TUT7: variants seen among roughly 807,000 people sequenced by gnomAD.
The protein encoded by TUT7 is terminal uridylyl transferase 7.
In TUT7, 33 loss-of-function variants were observed where a neutral mutation model predicts 165.9. That is an observed-to-expected ratio of 0.20 (90% CI 0.15 to 0.27). The LOEUF (loss-of-function observed/expected upper bound fraction) is 0.27, where lower values mean the gene tolerates loss of function less well. Among genes scored for constraint, TUT7 ranks in the 10% least tolerant of loss-of-function variants. The pLI is 1.00. For missense variants in TUT7, 1,338 were observed against 1,762.3 expected (o/e 0.76, Z 4.31); for synonymous variants, 552 against 608.1 (o/e 0.91, Z 1.36).
At chr9:86,301,639 A>G in intron 25 of TUT7, 38 bp from the exon 26 acceptor site, 3 of 1,562,378 alleles carry the variant, frequency 1.9e-6, no homozygotes, top group Non-Finnish European at 1.7e-6. Context: ...AAATCTAAAC[A>G]GAAGCCTAAC....
rs181386488 is a variant in TUT7, at chr9:86,326,829, A to C, written c.1609-1315T>G. On this transcript the variant is annotated intron_variant, in intron 11 of 26. Transcript: ENST00000375963. ...TGCAACCCCATAATGTCTGAAGCTCACTTTATTTCAGAAGTGGCAGCATGA... is the reference window on the plus strand; with the variant it reads ...TGCAACCCCATAATGTCTGAAGCTCCCTTTATTTCAGAAGTGGCAGCATGA... 4.6e-5 allele frequency among the ~76,000 whole-genome samples: 7 copies of C among 152,342 alleles called. No individual in the cohort carries two copies. In the East Asian group the frequency reaches 1.4e-3, roughly 29 times the overall value.
chr9:86,340,976 T>G (rs748458792), intron 7 of TUT7, 26 bp downstream of exon 7: 1 of 1,588,066 alleles, frequency 6.3e-7, no homozygotes, highest in South Asian at 1.1e-5. Flanking sequence ...ACATAAAAAT[T>G]TTTTAAATGT....
At chr9:86,327,674 A>C (rs567894151) in intron 11 of TUT7, among the ~76,000 whole-genome samples, 2 of 152,356 alleles carry the variant, frequency 1.3e-5, no homozygotes, top group East Asian at 3.9e-4. Flanking sequence ...AGAAAACACA[A>C]CTGGAAAATC....
intron 25 of TUT7, chr9:86,301,886 C>T (rs1477897852): frequency 2.0e-6 from 2 of 980,270 alleles, no homozygotes; most frequent in Non-Finnish European, 2.4e-6. Flanking sequence ...TACTTTGACA[C>T]TGATGTAATG....
chr9:86,307,143 C>T (rs1415583047), intron 22 of TUT7, among the ~76,000 whole-genome samples: 4 of 151,706 alleles, frequency 2.6e-5, no homozygotes, highest in Admixed American at 6.6e-5. Context: ...CGTGGTGGCA[C>T]GGCACCTGTA....
rs1935305436 is a variant in TUT7 at position 86,309,361 on chromosome 9, T to C, written c.3583-72A>G. 4 of 1,420,870 alleles carry C rather than the reference T, an allele frequency of 2.8e-6. 1 individual carries two copies. Among genetic ancestry groups the C allele is most frequent in the Admixed American group, 4.2e-5 (2 of 47,120 alleles). The allele number at this position is 1,420,870 out of a possible 1,614,324, so 88.0% of individuals were successfully genotyped here. ...ATTGATACAAAAACTTCTAGGAAAA[T>C]AGGTAAAAAATTAACTACAGAACCA... On this transcript the variant is annotated intron_variant, in intron 20 of 26. Coordinates refer to ENST00000375963, the MANE Select transcript of TUT7 (RefSeq NM_024617.4).
chr9:86,320,508 T>C (rs376755183), intron 14 of TUT7, among the ~76,000 whole-genome samples: 2 of 152,204 alleles, frequency 1.3e-5, no homozygotes, highest in African/African-American at 2.4e-5. Flanking sequence ...ATTTTAGAAA[T>C]AATATTTCTC....
chr9:86,323,663 G>T lies in TUT7; in HGVS notation c.2087C>A (p.Thr696Asn), dbSNP rs770612785. The change falls in exon 13 of 27, where the codon ACT becomes AAT. Residue 696 changes from threonine to asparagine, a missense_variant. Coordinates refer to ENST00000375963, the MANE Select transcript of TUT7 (RefSeq NM_024617.4). ...AANTCKVQPL[T>N]LKETAESFGS... ...AAAACTTTCAGCAGTCTCTTTAAGAGTAAGTGGCTGTACCTTACAGGTATT... is the reference window on the plus strand; with the variant it reads ...AAAACTTTCAGCAGTCTCTTTAAGATTAAGTGGCTGTACCTTACAGGTATT... The T allele has an allele frequency of 6.2e-7, 1 of 1,614,224 alleles. No individual in the cohort carries two copies. The highest frequency in any genetic ancestry group is 1.1e-5 in the South Asian group (1 of 91,086).
chr9:86,307,008 G>A (rs528827103), intron 22 of TUT7, among the ~76,000 whole-genome samples: 1 of 152,156 alleles, frequency 6.6e-6, no homozygotes, highest in Middle Eastern at 3.4e-3. Context: ...AGTGGCTCAC[G>A]CCTGTAATCC....
intron 11 of TUT7, among the ~76,000 whole-genome samples, chr9:86,327,637 C>T (rs1829911408): frequency 6.6e-6 from 1 of 152,188 alleles, no homozygotes. Flanking sequence ...CACCACTCTC[C>T]TCCTCCTCCC....
chr9:86,309,276 T>C lies in TUT7; in HGVS notation c.3596A>G (p.Glu1199Gly). 1 of 1,565,704 alleles carries C rather than the reference T, an allele frequency of 6.4e-7. No individual in the cohort carries two copies. Among genetic ancestry groups the C allele is most frequent in the Non-Finnish European group, 8.8e-7 (1 of 1,139,166 alleles). The change falls in exon 21 of 27, where the codon GAA (glutamate) becomes GGA (glycine). Residue 1199 changes from glutamate to glycine, a missense_variant. Glu to Gly is a moderately conservative substitution (Grantham distance 98). Coordinates refer to ENST00000375963, the MANE Select transcript of TUT7 (RefSeq NM_024617.4). ...ATCAACAAATATTTCAGGTTTCTTT[T>C]CACCTTTGTATATCTGAAATTAATT... ...IPVLQEIYKG[E>G]KKPEIFVDGW...
intron 26 of TUT7, among the ~76,000 whole-genome samples, chr9:86,291,718 G>A (rs1475244738): frequency 6.6e-6 from 1 of 151,982 alleles, no homozygotes; most frequent in Non-Finnish European, 1.5e-5. Flanking sequence ...GTATTTGGAA[G>A]AATACATAGA....
rs140358646 is a variant in TUT7 at position 86,319,028 on chromosome 9, T to C, written c.3146A>G (p.Lys1049Arg). ...GTKLSLFGSS[K>R]NGFGFKQSDL... Reference sequence around the variant, plus strand: ...ACTCTGTTTGAACCCAAATCCATTTTTGGAGGAGCCAAACAGGCTCAATTT... The same window carrying C: ...ACTCTGTTTGAACCCAAATCCATTTCTGGAGGAGCCAAACAGGCTCAATTT... Residue 1049 changes from lysine (K) to arginine (R), a missense_variant, in exon 16 of 27, where the codon AAA becomes AGA. By Grantham distance (26) the Lys-to-Arg change is conservative. Coordinates refer to ENST00000375963, the MANE Select transcript of TUT7 (RefSeq NM_024617.4). 2.9e-5 allele frequency: 46 copies of C among 1,613,898 alleles called. No individual in the cohort carries two copies. The highest frequency in any genetic ancestry group is 1.7e-5 in the Admixed American group (1 of 59,974).
At chr9:86,291,180 G>T (rs1207023445) in intron 26 of TUT7, among the ~76,000 whole-genome samples, 2 of 151,952 alleles carry the variant, frequency 1.3e-5, no homozygotes, top group Non-Finnish European at 2.9e-5. Context: ...ATAAAAGAGC[G>T]GTATTCAGAA....
intron 10 of TUT7, among the ~76,000 whole-genome samples, chr9:86,336,525 A>C (rs1230530875): frequency 1.3e-5 from 2 of 152,202 alleles, no homozygotes; most frequent in Non-Finnish European, 2.9e-5. Context: ...GTCCCTGCTT[A>C]ATCTCACCTT....
chr9:86,324,030 T>C (rs1403296759), intron 12 of TUT7, 70 bp from the exon 13 acceptor site: 38 of 1,257,986 alleles, frequency 3.0e-5, no homozygotes, highest in Middle Eastern at 5.3e-4. Flanking sequence ...GTTTTAAAAA[T>C]TAGCCTGCTG....
At chr9:86,340,365 T>C (rs113863465) in intron 7 of TUT7, among the ~76,000 whole-genome samples, 1 of 152,254 alleles carries the variant, frequency 6.6e-6, no homozygotes, top group African/African-American at 2.4e-5. Flanking sequence ...AAAATTCAAA[T>C]GTTATATGGA....
At chr9:86,346,843 C>A (rs1280422313) in intron 2 of TUT7, among the ~76,000 whole-genome samples, 1 of 152,086 alleles carries the variant, frequency 6.6e-6, no homozygotes, top group Non-Finnish European at 1.5e-5. Flanking sequence ...TATTACAATA[C>A]ATATTGTAAA....
chr9:86,352,529 T>G, intron 2 of TUT7, 151 bp downstream of exon 2: 1 of 889,612 alleles, frequency 1.1e-6, no homozygotes, highest in Non-Finnish European at 1.8e-6. Context: ...ATTACTATCC[T>G]TAAAATAATC....
Sources: allele counts gnomAD v4.1 joint callset (sites outside exome capture counted in the v4.1 genomes callset), GRCh38; gene constraint gnomAD v4.1.1; transcripts MANE v1.5; gene names NCBI Gene and HGNC (gene_info 2026-07-23, HGNC 2026-07-21).